SLIT2: variants seen among roughly 807,000 people sequenced by gnomAD.
The protein encoded by SLIT2 is slit homolog 2 protein.
In SLIT2, 41 loss-of-function variants were observed where a neutral mutation model predicts 185.7. That is an observed-to-expected ratio of 0.22 (90% confidence interval 0.17 to 0.29). SLIT2 has a LOEUF of 0.29. Among genes scored for constraint, SLIT2 ranks in the 10% least tolerant of loss-of-function variants. SLIT2 has a pLI of 1.00. For synonymous variants in SLIT2, 693 were observed against 680.2 expected (o/e 1.02, Z -0.29); for missense variants, 1,571 against 1,909.0 (o/e 0.82, Z 3.30).
chr4:20,410,996 G>C (rs895083773), intron 4 of SLIT2, among the ~76,000 whole-genome samples: 1 of 152,032 alleles, frequency 6.6e-6, no homozygotes, highest in Non-Finnish European at 1.5e-5. Flanking sequence ...TTTATAAATT[G>C]CTTTTGGCAG....
chr4:20,493,698 A>G (rs962298418), intron 9 of SLIT2, among the ~76,000 whole-genome samples: 1 of 152,198 alleles, frequency 6.6e-6, no homozygotes, highest in African/African-American at 2.4e-5. Flanking sequence ...CCTGTATCCC[A>G]TCTAAAACTA....
intron 4 of SLIT2, among the ~76,000 whole-genome samples, chr4:20,371,622 A>G (rs76951119): frequency 0.045 from 6,902 of 152,138 alleles, 374 homozygotes; most frequent in African/African-American, 0.13. Context: ...ATTGCAGCTC[A>G]TGCAGACTGC....
intron 4 of SLIT2, among the ~76,000 whole-genome samples, chr4:20,375,706 A>G (rs1723957280): frequency 6.6e-6 from 1 of 152,052 alleles, no homozygotes; most frequent in Admixed American, 6.6e-5. Flanking sequence ...ATTTTTAACA[A>G]CCTGGTCATT....
At chr4:20,432,478 T>C (rs1192645985) in intron 4 of SLIT2, among the ~76,000 whole-genome samples, 1 of 150,374 alleles carries the variant, frequency 6.7e-6, no homozygotes, top group African/African-American at 2.4e-5. Context: ...TGGAATATTA[T>C]GAAAGGACTC....
At chr4:20,398,125 G>A (rs1435397969) in intron 4 of SLIT2, among the ~76,000 whole-genome samples, 1 of 151,790 alleles carries the variant, frequency 6.6e-6, no homozygotes, top group Non-Finnish European at 1.5e-5. Flanking sequence ...TGAAGTGATG[G>A]TGGAGTTATT....
Position 20,567,589 on chromosome 4 carries a change from A to C in SLIT2, c.2922A>C (p.Leu974Phe), listed in dbSNP as rs1191559359. 6 of 1,613,024 alleles carry C rather than the reference A, an allele frequency of 3.7e-6. No individual in the cohort carries two copies. The Admixed American group carries it at 1.0e-4, about 27-fold the overall frequency. Residue 974 changes from leucine (L) to phenylalanine (F), a missense_variant, in exon 28 of 37, where the codon TTA becomes TTC. Around this residue, in one of 3 missense-constraint regions of SLIT2, gnomAD observed 1,202 missense variants for 1,416.4 expected, o/e 0.85. Coordinates refer to ENST00000504154, the MANE Select transcript of SLIT2 (RefSeq NM_004787.4). ...NPCKHGGTCHLKEGEEDGFWC... is the reference protein window; with the variant it reads ...NPCKHGGTCHFKEGEEDGFWC... ...GTAAACATGGAGGAACTTGCCACTT[A>C]AAGGAAGGAGAAGAAGATGGATTCT... is the stretch of plus-strand genomic sequence containing the variant.
chr4:20,447,565 T>C (rs1274072050), intron 4 of SLIT2, among the ~76,000 whole-genome samples: 1 of 152,186 alleles, frequency 6.6e-6, no homozygotes, highest in East Asian at 1.9e-4. Flanking sequence ...TAAGAAGTTA[T>C]CACAGGAGCA....
intron 4 of SLIT2, among the ~76,000 whole-genome samples, chr4:20,322,806 G>T (rs752351203): frequency 2.6e-5 from 4 of 152,098 alleles, no homozygotes; most frequent in Non-Finnish European, 5.9e-5. Context: ...TTTCGGTGAT[G>T]AATTTCAGGA....
At chr4:20,537,160 A>G (rs1415562848) in intron 18 of SLIT2, among the ~76,000 whole-genome samples, 2 of 152,182 alleles carry the variant, frequency 1.3e-5, no homozygotes, top group Non-Finnish European at 2.9e-5. Flanking sequence ...AACCAATAAT[A>G]TAGTTGTTTA....
In SLIT2 at chr4:20,528,162, C is replaced by T. The variant is rs1365468860; in HGVS notation, c.1463-787C>T. 1.3e-5 allele frequency: 6 copies of T among 476,066 alleles called. No individual in the cohort carries two copies. The highest frequency in any genetic ancestry group is 4.6e-5 in the South Asian group (3 of 64,582). 29.5% of individuals were successfully genotyped at this position (476,066 alleles called of 1,614,324 possible). ...TCTTACTGTGGTCATAAACATTCTG[C>T]GGGAAGAATGCATGTCATGTAAACA... On this transcript the variant is annotated intron_variant, in intron 15 of 36. Coordinates refer to ENST00000504154, the MANE Select transcript of SLIT2 (RefSeq NM_004787.4). The surrounding 1 kb of genome is among the most constrained non-coding windows in gnomAD (Gnocchi z 4.2).
intron 33 of SLIT2, among the ~76,000 whole-genome samples, chr4:20,601,066 T>A (rs1053260205): frequency 6.6e-6 from 1 of 152,188 alleles, no homozygotes; most frequent in Non-Finnish European, 1.5e-5. Flanking sequence ...TACATTTTCA[T>A]GTATTTGCAC....
chr4:20,302,696 C>T (rs1717168552), intron 4 of SLIT2, among the ~76,000 whole-genome samples: 1 of 152,104 alleles, frequency 6.6e-6, no homozygotes, highest in African/African-American at 2.4e-5. Context: ...CTGTGCAATC[C>T]AGTGACCAAG....
intron 4 of SLIT2, among the ~76,000 whole-genome samples, chr4:20,421,205 T>C (rs1728153116): frequency 6.6e-6 from 1 of 152,182 alleles, no homozygotes; most frequent in African/African-American, 2.4e-5. Flanking sequence ...GATGTCATTA[T>C]TGAAAAATAT....
intron 4 of SLIT2, among the ~76,000 whole-genome samples, chr4:20,461,580 G>C (rs928983057): frequency 2.0e-5 from 3 of 152,126 alleles, no homozygotes; most frequent in Non-Finnish European, 4.4e-5. Context: ...GAGACTATTA[G>C]GTAACTCAGA....
At position 20,300,911 on chromosome 4, in the gene SLIT2, GA is replaced by G. The variant is rs959313467; in HGVS notation, c.395+32039del. Among the ~76,000 whole-genome samples, 48 of 147,958 alleles carry G rather than the reference GA, an allele frequency of 3.2e-4. No individual in the cohort carries two copies. The East Asian group carries it at 6.1e-3, about 19-fold the overall frequency. ...TTTAATGAATTTTTGGTTTGATTTT[GA>G]AAAAAAAATGGATATGGTATACATC... is the stretch of plus-strand genomic sequence containing the variant. On this transcript the variant is annotated intron_variant, in intron 4 of 36. Coordinates refer to ENST00000504154, the MANE Select transcript of SLIT2 (RefSeq NM_004787.4).
At chr4:20,584,651 T>G (rs1327179494) in intron 29 of SLIT2, among the ~76,000 whole-genome samples, 1 of 152,160 alleles carries the variant, frequency 6.6e-6, no homozygotes, top group Non-Finnish European at 1.5e-5. Context: ...TTTAGAAGAG[T>G]GGGTATCACT....
rs778947061 is a variant in SLIT2 at position 20,567,533 on chromosome 4, G to A, written c.2866G>A (p.Val956Ile). The stretch of plus-strand genomic sequence containing the variant: ...TCTTCTCCAGGGGCAGGACTGTGAT[G>A]TCCCAATTCATGCCTGCATCAGTAA... ...PYGFKGQDCD[V>I]PIHACISNPC... is the part of the protein sequence containing the mutation. Residue 956 changes from valine (V) to isoleucine (I), a missense_variant, in exon 28 of 37, where the codon GTC becomes ATC. Around this residue, in one of 3 missense-constraint regions of SLIT2, gnomAD observed 1,202 missense variants for 1,416.4 expected, o/e 0.85. Transcript: ENST00000504154. 5 of 1,613,284 alleles carry A rather than the reference G, an allele frequency of 3.1e-6. No individual in the cohort carries two copies. Among genetic ancestry groups the A allele is most frequent in the Non-Finnish European group, 3.4e-6 (4 of 1,179,446 alleles).
chr4:20,283,998 G>A (rs1715035346), intron 4 of SLIT2, among the ~76,000 whole-genome samples: 1 of 152,238 alleles, frequency 6.6e-6, no homozygotes, highest in Non-Finnish European at 1.5e-5. Flanking sequence ...TCCAATTAAT[G>A]TGGAAGCGTT....
At chr4:20,354,781 T>C (rs2109273688) in intron 4 of SLIT2, among the ~76,000 whole-genome samples, 1 of 152,208 alleles carries the variant, frequency 6.6e-6, no homozygotes, top group East Asian at 1.9e-4. Context: ...AATCTAATTA[T>C]ATATTGTCAC....
Sources: gnomAD v4.1 joint callset for allele counts (sites outside exome capture counted in the v4.1 genomes callset) on GRCh38, gnomAD v4.1.1 for gene constraint, gnomAD v4.1.1 regional missense constraint, Gnocchi (gnomAD v3.1) non-coding constraint, MANE v1.5 for transcripts, NCBI Gene and HGNC (gene_info 2026-07-23, HGNC 2026-07-21) for gene names.